Variants in SP6 observed in about 807,000 individuals in gnomAD.
The protein encoded by SP6 is Sp6 transcription factor.
A neutral mutation model predicts 23.4 loss-of-function variants in SP6; 10 were observed. The ratio of observed to expected loss-of-function variants is 0.43; its 90% CI spans 0.26 to 0.72. The LOEUF is 0.72. Ranked by LOEUF, SP6 falls within the 30% of genes least tolerant of loss-of-function variation. The pLI is 0.23. For missense variants in SP6, 482 were observed against 523.8 expected, an observed-to-expected ratio of 0.92 and a Z score of 0.78; for synonymous variants, 238 against 238.7, an observed-to-expected ratio of 1.00 and a Z score of 0.03.
chr17:47,848,447 G>A lies in SP6; in HGVS notation c.-18C>T. ...GTTAGCATTGCCGGGATCCGGGGTG[G>A]GGTGAGGGCAGGGACGGTCAGGGGC... On this transcript the variant is annotated 5_prime_UTR_variant, in exon 2 of 2. Transcript: ENST00000536300. This position sits in a 1 kb window ranked among gnomAD's most constrained non-coding sequence, Gnocchi z 5.3. 1 of 1,489,592 alleles carries A rather than the reference G, an allele frequency of 6.7e-7. No individual in the cohort carries two copies. The highest frequency in any genetic ancestry group is 9.0e-7 in the Non-Finnish European group (1 of 1,116,268). The allele number at this position is 1,489,592 out of a possible 1,614,324, so 92.3% of individuals were successfully genotyped here.
At chr17:47,860,737 A>G (rs2034030255), upstream of SP6, among the ~76,000 whole-genome samples, 1 of 151,912 alleles carries the variant, frequency 6.6e-6, no homozygotes, top group Admixed American at 6.6e-5. Context: ...TAAATAAATA[A>G]ATAAATAAAT....
At chr17:47,875,881 G>A in the SP6 span, among the ~76,000 whole-genome samples, 1 of 152,034 alleles carries the variant, frequency 6.6e-6, no homozygotes, top group East Asian at 1.9e-4. Flanking sequence ...CCCCTTCCCT[G>A]GGTCCTGACA....
At chr17:47,871,680 G>T in the SP6 span, among the ~76,000 whole-genome samples, 1 of 151,152 alleles carries the variant, frequency 6.6e-6, no homozygotes, top group East Asian at 2.0e-4. Flanking sequence ...GTGCAGTGGC[G>T]TGATCTTGGC....
chr17:47,876,279 C>T, the SP6 span, among the ~76,000 whole-genome samples: 5 of 152,158 alleles, frequency 3.3e-5, no homozygotes, highest in Non-Finnish European at 7.4e-5. Context: ...TCCTGGGCCC[C>T]GAGCTCAGCA....
At chr17:47,859,593 C>T (rs1221456347), upstream of SP6, among the ~76,000 whole-genome samples, 4 of 152,176 alleles carry the variant, frequency 2.6e-5, no homozygotes, top group Non-Finnish European at 5.9e-5. Flanking sequence ...AGAAAGGGCT[C>T]CCCAGAATCC....
At chr17:47,861,601 T>C in the SP6 span, among the ~76,000 whole-genome samples, 2 of 152,172 alleles carry the variant, frequency 1.3e-5, no homozygotes, top group East Asian at 3.9e-4. Flanking sequence ...GGCATGGCGG[T>C]GCGCGCCTGT....
upstream of SP6, among the ~76,000 whole-genome samples, chr17:47,851,864 C>G (rs2033960488): frequency 6.6e-6 from 1 of 151,852 alleles, no homozygotes. Flanking sequence ...CTCCCAGCCT[C>G]TGCCCACCAC....
the SP6 span, among the ~76,000 whole-genome samples, chr17:47,874,082 C>A: frequency 7.0e-4 from 106 of 150,904 alleles, 1 homozygote; most frequent in African/African-American, 2.5e-3. Flanking sequence ...CTTCCCTCCT[C>A]CTTCTTCTTC....
the SP6 span, among the ~76,000 whole-genome samples, chr17:47,862,768 T>C: frequency 1.3e-5 from 2 of 152,170 alleles, no homozygotes; most frequent in African/African-American, 4.8e-5. Context: ...GGACTTCCTG[T>C]TGTGTAGGTG....
chr17:47,853,252 C>G (rs774170085), upstream of SP6, among the ~76,000 whole-genome samples: 1 of 152,242 alleles, frequency 6.6e-6, no homozygotes, highest in Non-Finnish European at 1.5e-5. Flanking sequence ...TTCACAGGAA[C>G]TGCTCTGGAT....
At position 47,847,338 on chromosome 17, in the gene SP6, G is replaced by T. The variant is rs2033896868; in HGVS notation, c.1092C>A (p.Gly364=). The change falls in exon 2 of 2, where the codon GGC becomes GGA. Residue 364 remains glycine, a synonymous_variant. Transcript: ENST00000536300. ...CCACGCTGCCCTCGGCCTCGCGTTTGCCTTTGCCCCCGGGGGGCTCCACTG... is the reference window on the plus strand; with the variant it reads ...CCACGCTGCCCTCGGCCTCGCGTTTTCCTTTGCCCCCGGGGGGCTCCACTG... ...GGAVEPPGGK[G]KREAEGSVAP... 27 of 1,592,678 alleles carry T rather than the reference G, an allele frequency of 1.7e-5. No individual in the cohort carries two copies. Among genetic ancestry groups the T allele is most frequent in the Non-Finnish European group, 2.3e-5 (27 of 1,169,652 alleles).
the SP6 span, among the ~76,000 whole-genome samples, chr17:47,861,656 C>A: frequency 1.3e-5 from 2 of 152,008 alleles, no homozygotes; most frequent in East Asian, 3.9e-4. Flanking sequence ...TCGCTTGAAC[C>A]CAGGAGGCAG....
Position 47,848,539 on chromosome 17 carries a change from C to T in SP6, c.-57-53G>A. 1.9e-6 allele frequency: 2 copies of T among 1,067,378 alleles called. No individual in the cohort carries two copies. The highest frequency in any genetic ancestry group is 3.5e-5 in the South Asian group (2 of 57,664). 66.1% of individuals were successfully genotyped at this position (1,067,378 alleles called of 1,614,324 possible). On this transcript the variant is annotated intron_variant, in intron 1 of 1. Transcript: ENST00000536300. The surrounding 1 kb of genome is among the most constrained non-coding windows in gnomAD (Gnocchi z 5.3). ...AAGGGAAATAACCAGCTCACTTTCC[C>T]TCCTAACCCAGGTCCTCCTCTCTGG...
rs1405533394 is a variant in SP6, at chr17:47,850,909, G to A, written c.-58+10C>T. 6.6e-6 allele frequency: 1 copy of A among 152,298 alleles called. No individual in the cohort carries two copies. Among genetic ancestry groups the A allele is most frequent in the East Asian group, 1.9e-4 (1 of 5,188 alleles). 9.4% of individuals were successfully genotyped at this position (152,298 alleles called of 1,614,324 possible). ...CGCTCACCCCTGGCCACCCCGACCC[G>A]CGCTCCTACCTCGAGGCTGCGGCGG... On this transcript the variant is annotated intron_variant, in intron 1 of 1. Transcript: ENST00000536300.
chr17:47,860,759 G>T (rs1327380015), upstream of SP6, among the ~76,000 whole-genome samples: 1 of 148,488 alleles, frequency 6.7e-6, no homozygotes, highest in Non-Finnish European at 1.5e-5. Context: ...AATCCCTTTT[G>T]TCACATCACT....
chr17:47,864,717 C>T, the SP6 span: 1 of 152,312 alleles, frequency 6.6e-6, no homozygotes, highest in Non-Finnish European at 1.5e-5. Flanking sequence ...AGGAAAGCCC[C>T]CCAGCCTCTA....
At chr17:47,863,102 T>C in the SP6 span, among the ~76,000 whole-genome samples, 1 of 152,248 alleles carries the variant, frequency 6.6e-6, no homozygotes, top group Non-Finnish European at 1.5e-5. Context: ...CAGCTGCCCC[T>C]TGGACCACAG....
the SP6 span, among the ~76,000 whole-genome samples, chr17:47,871,537 CTTTT>C: frequency 2.6e-5 from 4 of 152,042 alleles, no homozygotes; most frequent in Admixed American, 1.3e-4. Flanking sequence ...CTCCATTTCT[CTTTT>C]TGTCTCTGTG....
chr17:47,870,582 C>A, the SP6 span, among the ~76,000 whole-genome samples: 2 of 152,222 alleles, frequency 1.3e-5, no homozygotes, highest in South Asian at 4.2e-4. Flanking sequence ...TAAAGACTGA[C>A]CTGTCTGGAG....
Sources: allele counts gnomAD v4.1 joint callset (sites outside exome capture counted in the v4.1 genomes callset), GRCh38; gene constraint gnomAD v4.1.1; non-coding constraint Gnocchi (gnomAD v3.1); transcripts MANE v1.5; gene names NCBI Gene and HGNC (gene_info 2026-07-23, HGNC 2026-07-21).